VEGFC: variants seen among roughly 807,000 people sequenced by gnomAD.
The protein encoded by VEGFC is FLT4 ligand DHM.
Under a neutral mutation model 46.1 loss-of-function variants are expected in VEGFC, and 12 were observed. The observed-to-expected ratio is 0.26, with a 90% CI of 0.17 to 0.42. The LOEUF is 0.42. Among genes scored for constraint, VEGFC ranks in the 10% least tolerant of loss-of-function variants. The pLI, the probability that VEGFC is intolerant of heterozygous loss-of-function variation, is 1.00. For missense variants in VEGFC, 488 were observed against 529.4 expected, an observed-to-expected ratio of 0.92 and a Z score of 0.77; for synonymous variants, 232 against 195.5, an observed-to-expected ratio of 1.19 and a Z score of -1.56.
intron 4 of VEGFC, among the ~76,000 whole-genome samples, chr4:176,690,260 G>A (rs2110968005): frequency 6.6e-6 from 1 of 150,688 alleles, no homozygotes; most frequent in Middle Eastern, 3.5e-3. Context: ...AAACATGTAT[G>A]TAATTATCAG....
At chr4:176,773,879 G>A (rs1735764032) in intron 1 of VEGFC, among the ~76,000 whole-genome samples, 1 of 151,876 alleles carries the variant, frequency 6.6e-6, no homozygotes, top group African/African-American at 2.4e-5. Context: ...TATTTTTGTA[G>A]AGATGGGGTC....
At chr4:176,791,900 A>C (rs2110963636) in intron 1 of VEGFC, among the ~76,000 whole-genome samples, 1 of 152,226 alleles carries the variant, frequency 6.6e-6, no homozygotes, top group South Asian at 2.1e-4. Context: ...CCCAGAGGAA[A>C]CCAGTCTGAA....
At chr4:176,729,468 C>A in intron 2 of VEGFC, 65 bp downstream of exon 2, 2 of 1,422,284 alleles carry the variant, frequency 1.4e-6, no homozygotes, top group Non-Finnish European at 9.4e-7. Flanking sequence ...ATTAAAGAAC[C>A]AGGCTGGCAA....
intron 4 of VEGFC, among the ~76,000 whole-genome samples, chr4:176,696,113 A>G (rs1734308955): frequency 6.8e-6 from 1 of 147,862 alleles, no homozygotes; most frequent in Non-Finnish European, 1.5e-5. Context: ...TATTCAACAT[A>G]GTGTTGGAAG....
intron 1 of VEGFC, among the ~76,000 whole-genome samples, chr4:176,784,063 G>GTTTTTTGT (rs564146495): frequency 1.1e-4 from 5 of 45,910 alleles, no homozygotes; most frequent in Non-Finnish European, 1.9e-4. Flanking sequence ...TGCACATGCT[G>GTTTTTTGT]TTTTTTTTTT....
intron 1 of VEGFC, among the ~76,000 whole-genome samples, chr4:176,731,848 A>G (rs753052592): frequency 9.9e-5 from 15 of 152,200 alleles, no homozygotes; most frequent in Admixed American, 3.9e-4. Flanking sequence ...AGACAGACAA[A>G]TTAGTACCGT....
At chr4:176,707,946 T>G (rs889623124) in intron 4 of VEGFC, among the ~76,000 whole-genome samples, 6 of 151,894 alleles carry the variant, frequency 4.0e-5, no homozygotes, top group Non-Finnish European at 7.4e-5. Flanking sequence ...GCTTTGAGAA[T>G]TAAATAATAA....
intron 1 of VEGFC, among the ~76,000 whole-genome samples, chr4:176,770,950 T>G (rs1735711138): frequency 6.8e-6 from 1 of 147,920 alleles, no homozygotes; most frequent in Non-Finnish European, 1.5e-5. Context: ...ACTACTGTCT[T>G]TCATTCAATT....
chr4:176,734,568 C>A (rs1285140671), intron 1 of VEGFC, among the ~76,000 whole-genome samples: 1 of 151,692 alleles, frequency 6.6e-6, no homozygotes, highest in Non-Finnish European at 1.5e-5. Context: ...CTAAAAATAA[C>A]CCCTTTTGTG....
At chr4:176,711,212 A>T (rs543586820) in intron 4 of VEGFC, among the ~76,000 whole-genome samples, 1 of 152,310 alleles carries the variant, frequency 6.6e-6, no homozygotes, top group African/African-American at 2.4e-5. Flanking sequence ...TAAATCAATT[A>T]AGCTACCTTA....
rs1300026728 is a variant in VEGFC, at chr4:176,687,823, T to A, written c.809A>T (p.Asp270Val). The change falls in exon 5 of 7, where the codon GAT (aspartate) becomes GTT (valine). Residue 270 changes from aspartate to valine, a missense_variant and splice_region_variant. Physicochemically the swap from Asp to Val is radical, Grantham distance 152. Transcript: ENST00000618562. The part of the protein sequence containing the change: ...EDFMFSSDAG[D>V]DSTDGFHDIC... Reference sequence around the variant, plus strand: ...CTTTAAAGCATCATTCTGCTTACCATCTCCAGCATCCGAGGAAAACATAAA... The same window carrying A: ...CTTTAAAGCATCATTCTGCTTACCAACTCCAGCATCCGAGGAAAACATAAA... 1.2e-6 allele frequency: 2 copies of A among 1,603,410 alleles called. No individual in the cohort carries two copies. The highest frequency in any genetic ancestry group is 1.7e-6 in the Non-Finnish European group (2 of 1,172,612).
intron 4 of VEGFC, among the ~76,000 whole-genome samples, chr4:176,704,489 T>C (rs1214597006): frequency 1.3e-5 from 2 of 152,176 alleles, no homozygotes. Flanking sequence ...CTTCTCCCAC[T>C]TTACCATCCC....
chr4:176,709,671 T>C (rs1204920722), intron 4 of VEGFC, among the ~76,000 whole-genome samples: 2 of 152,130 alleles, frequency 1.3e-5, no homozygotes, highest in East Asian at 1.9e-4. Flanking sequence ...GGGTGAATAA[T>C]GGAAGACAAA....
intron 4 of VEGFC, 47 bp from the exon 5 acceptor site, chr4:176,687,974 A>T: frequency 3.0e-5 from 32 of 1,053,618 alleles, no homozygotes; most frequent in Middle Eastern, 2.1e-4. Flanking sequence ...ACTGGTACCT[A>T]GAAGGGACCA....
intron 4 of VEGFC, among the ~76,000 whole-genome samples, chr4:176,693,618 T>C (rs956580405): frequency 5.9e-4 from 86 of 146,624 alleles, no homozygotes; most frequent in Middle Eastern, 6.8e-3. Context: ...ATTCAGGAAA[T>C]ACAGAGAATG....
At chr4:176,741,415 CAG>C (rs1338261587) in intron 1 of VEGFC, among the ~76,000 whole-genome samples, 2 of 151,806 alleles carry the variant, frequency 1.3e-5, no homozygotes. Context: ...CATTTCAGGC[CAG>C]AGAGTCCACT....
intron 1 of VEGFC, among the ~76,000 whole-genome samples, chr4:176,741,596 TATGGATAATAAAAAAA>T (rs1387195637): frequency 6.6e-6 from 1 of 151,952 alleles, no homozygotes; most frequent in African/African-American, 2.4e-5. Flanking sequence ...CACATTATTC[TATGGATAATAAAAAAA>T]GATAAAATGT....
chr4:176,697,227 C>G (rs1269939902), intron 4 of VEGFC, among the ~76,000 whole-genome samples: 1 of 149,928 alleles, frequency 6.7e-6, no homozygotes, highest in Non-Finnish European at 1.5e-5. Flanking sequence ...ATTTTCACAA[C>G]CTACTCATCT....
intron 1 of VEGFC, among the ~76,000 whole-genome samples, chr4:176,764,739 T>C (rs1735586811): frequency 6.6e-6 from 1 of 152,168 alleles, no homozygotes; most frequent in African/African-American, 2.4e-5. Flanking sequence ...GAGTGATCTG[T>C]CTGCCTTTTG....
Sources: gnomAD v4.1 joint callset for allele counts (sites outside exome capture counted in the v4.1 genomes callset) on GRCh38, gnomAD v4.1.1 for gene constraint, MANE v1.5 for transcripts, NCBI Gene and HGNC (gene_info 2026-07-23, HGNC 2026-07-21) for gene names.